Variants in GSG1L observed in about 807,000 individuals in gnomAD.
GSG1L encodes the protein germ cell-specific gene 1-like protein.
A neutral mutation model predicts 42.1 loss-of-function variants in GSG1L; 24 were observed. The ratio of observed to expected loss-of-function variants is 0.57; its 90% CI spans 0.41 to 0.80. The LOEUF is 0.80. GSG1L is among the 30% of genes least tolerant of loss of function. The probability of loss-of-function intolerance (pLI) is 0.00; values close to 1 mark genes in which losing one functional copy is unlikely to be tolerated. For missense variants in GSG1L, 445 were observed against 472.2 expected (o/e 0.94, Z 0.53); for synonymous variants, 215 against 203.5 (o/e 1.06, Z -0.48).
At chr16:27,933,903 G>C (rs1378387624) in intron 2 of GSG1L, among the ~76,000 whole-genome samples, 1 of 152,134 alleles carries the variant, frequency 6.6e-6, no homozygotes, top group African/African-American at 2.4e-5. Context: ...TCGATCTGCT[G>C]GTAGCCAAAG....
intron 2 of GSG1L, among the ~76,000 whole-genome samples, chr16:27,918,779 T>C (rs2084489658): frequency 6.6e-6 from 1 of 152,214 alleles, no homozygotes; most frequent in Non-Finnish European, 1.5e-5. Context: ...TGGGAAGCCC[T>C]GCAAAGGCTT....
At chr16:27,950,759 C>G (rs2084941391) in intron 2 of GSG1L, among the ~76,000 whole-genome samples, 1 of 152,168 alleles carries the variant, frequency 6.6e-6, no homozygotes, top group African/African-American at 2.4e-5. Context: ...GAGCACCTGC[C>G]AGGTTCCCAG....
At chr16:28,014,322 C>T (rs1020145497) in intron 1 of GSG1L, among the ~76,000 whole-genome samples, 6 of 152,180 alleles carry the variant, frequency 3.9e-5, no homozygotes, top group East Asian at 1.9e-4. Context: ...CAGATCCACA[C>T]GTGCAGACAC....
At chr16:27,818,175 C>T (rs1037533764) in intron 5 of GSG1L, among the ~76,000 whole-genome samples, 7 of 152,304 alleles carry the variant, frequency 4.6e-5, no homozygotes, top group Non-Finnish European at 8.8e-5. Context: ...GGCAAATGGC[C>T]ATGATCAAAG....
chr16:27,793,276 A>T (rs7198200), intron 6 of GSG1L, among the ~76,000 whole-genome samples: 97,555 of 152,052 alleles, frequency 0.64, 31,643 homozygotes, highest in Admixed American at 0.71. Flanking sequence ...GGGGGGTAAT[A>T]TTTTTGGCTT....
At chr16:27,993,473 A>C (rs1417988212) in intron 1 of GSG1L, among the ~76,000 whole-genome samples, 1 of 152,112 alleles carries the variant, frequency 6.6e-6, no homozygotes, top group Non-Finnish European at 1.5e-5. Flanking sequence ...GAGGAATGTA[A>C]CTTGTAGGAA....
intron 1 of GSG1L, among the ~76,000 whole-genome samples, chr16:28,052,617 C>T (rs754246298): frequency 7.9e-5 from 12 of 152,192 alleles, no homozygotes; most frequent in Non-Finnish European, 1.8e-4. Flanking sequence ...ATCCTTTATC[C>T]AGGTCCCCAG....
chr16:27,990,251 T>C (rs575822693), intron 1 of GSG1L, among the ~76,000 whole-genome samples: 1 of 152,340 alleles, frequency 6.6e-6, no homozygotes, highest in Admixed American at 6.5e-5. Flanking sequence ...GCTATTTATA[T>C]CTACAGCAAT....
At chr16:28,001,825 G>A (rs770612664) in intron 1 of GSG1L, among the ~76,000 whole-genome samples, 11 of 152,306 alleles carry the variant, frequency 7.2e-5, no homozygotes, top group East Asian at 5.8e-4. Context: ...CCTCTGCTAC[G>A]ATCACCACTC....
intron 2 of GSG1L, among the ~76,000 whole-genome samples, chr16:27,949,200 G>A (rs1256707349): frequency 6.6e-6 from 1 of 151,260 alleles, no homozygotes; most frequent in African/African-American, 2.4e-5. Flanking sequence ...ACAGGCATGA[G>A]CCACCGCCAC....
chr16:28,056,662 G>A (rs2086282844), intron 1 of GSG1L, among the ~76,000 whole-genome samples: 2 of 151,980 alleles, frequency 1.3e-5, no homozygotes, highest in Non-Finnish European at 2.9e-5. Context: ...CCTGTCACAC[G>A]GTGCTGCCTC....
At chr16:27,810,072 G>T (rs1461757934) in intron 5 of GSG1L, among the ~76,000 whole-genome samples, 3 of 152,220 alleles carry the variant, frequency 2.0e-5, no homozygotes. Context: ...ACTTCCTGAG[G>T]ACCTTCTCTG....
At chr16:27,860,362 G>A (rs1426124988) in intron 3 of GSG1L, among the ~76,000 whole-genome samples, 1 of 152,194 alleles carries the variant, frequency 6.6e-6, no homozygotes, top group Non-Finnish European at 1.5e-5. Flanking sequence ...CTCAGTAAAT[G>A]CTGATTGACT....
chr16:27,945,027 T>C (rs543165711), intron 2 of GSG1L, among the ~76,000 whole-genome samples: 2 of 142,984 alleles, frequency 1.4e-5, no homozygotes, highest in East Asian at 2.1e-4. Flanking sequence ...GAGTGAGTTA[T>C]GATTGTGCCA....
At chr16:28,052,647 AGCCCC>A (rs1255818865) in intron 1 of GSG1L, among the ~76,000 whole-genome samples, 8 of 152,180 alleles carry the variant, frequency 5.3e-5, no homozygotes, top group Non-Finnish European at 1.0e-4. Context: ...CATGAAGTAG[AGCCCC>A]CCACTGACCT....
rs560116658 is a variant in GSG1L at position 28,002,758 on chromosome 16, G to A, written c.350-39555C>T. On this transcript the variant is annotated intron_variant, in intron 1 of 6. Coordinates refer to ENST00000447459, the MANE Select transcript of GSG1L (RefSeq NM_001109763.2). Reference sequence around the variant, plus strand: ...ATCCTGGCTAACACGGTGAAACCCCGTCTCTACTAAAAATACAAAAAAAAA... The same window carrying A: ...ATCCTGGCTAACACGGTGAAACCCCATCTCTACTAAAAATACAAAAAAAAA... Among the ~76,000 whole-genome samples the A allele has an allele frequency of 5.5e-4, 82 of 149,848 alleles. 1 individual carries two copies. Among genetic ancestry groups the A allele is most frequent in the South Asian group, 1.3e-3 (6 of 4,738 alleles).
chr16:27,800,193 T>G (rs982636442), intron 6 of GSG1L, among the ~76,000 whole-genome samples: 1 of 152,214 alleles, frequency 6.6e-6, no homozygotes, highest in Non-Finnish European at 1.5e-5. Context: ...ACTGTCTGTT[T>G]CCATTTTAAT....
intron 2 of GSG1L, among the ~76,000 whole-genome samples, chr16:27,947,426 A>AAG (rs775560932): frequency 2.8e-5 from 4 of 140,612 alleles, no homozygotes; most frequent in African/African-American, 1.0e-4. Context: ...GAAAGAAAGA[A>AAG]AGAGAAGGAA....
intron 5 of GSG1L, among the ~76,000 whole-genome samples, chr16:27,808,175 T>A (rs1361693578): frequency 1.3e-5 from 2 of 151,340 alleles, no homozygotes; most frequent in Non-Finnish European, 2.9e-5. Context: ...GCCTCCAACA[T>A]CCTAGGCTTA....
Sources: allele counts gnomAD v4.1 joint callset (sites outside exome capture counted in the v4.1 genomes callset), GRCh38; gene constraint gnomAD v4.1.1; transcripts MANE v1.5; gene names NCBI Gene and HGNC (gene_info 2026-07-23, HGNC 2026-07-21).